Variants in ARHGAP26 observed in about 807,000 individuals in gnomAD.
ARHGAP26 encodes the protein rho GTPase-activating protein 26.
ARHGAP26 carries 38 observed loss-of-function variants against 104.8 expected under a neutral mutation model. The ratio of observed to expected loss-of-function variants is 0.36; its 90% CI spans 0.28 to 0.48. ARHGAP26 has a LOEUF of 0.48. Ranked by LOEUF, ARHGAP26 falls within the 20% of genes least tolerant of loss-of-function variation. The pLI is 0.99. For synonymous variants in ARHGAP26, 341 were observed against 340.0 expected (o/e 1.00, Z -0.03); for missense variants, 704 against 947.9 (o/e 0.74, Z 3.38).
At chr5:142,883,864 C>T (rs1467346671) in intron 4 of ARHGAP26, among the ~76,000 whole-genome samples, 1 of 152,196 alleles carries the variant, frequency 6.6e-6, no homozygotes, top group African/African-American at 2.4e-5. Flanking sequence ...CATGGTTCTC[C>T]TACTAGAACA....
intron 11 of ARHGAP26, among the ~76,000 whole-genome samples, chr5:143,012,544 C>T (rs245851): frequency 0.78 from 32,555 of 41,694 alleles, 13,224 homozygotes; most frequent in Non-Finnish European, 0.89. Flanking sequence ...TATTTATATA[C>T]ATACATACAT....
chr5:142,964,089 CAG>C (rs1770856082), intron 11 of ARHGAP26, among the ~76,000 whole-genome samples: 1 of 152,138 alleles, frequency 6.6e-6, no homozygotes, highest in Admixed American at 6.5e-5. Flanking sequence ...TTTTGACTGA[CAG>C]AACTGAAATG....
intron 11 of ARHGAP26, among the ~76,000 whole-genome samples, chr5:142,976,779 T>C (rs1010826142): frequency 6.6e-5 from 10 of 152,224 alleles, no homozygotes; most frequent in Admixed American, 1.3e-4. Flanking sequence ...TCAACTTAAA[T>C]AGTATGTGAA....
intron 6 of ARHGAP26, among the ~76,000 whole-genome samples, chr5:142,900,498 C>T (rs930924959): frequency 1.3e-5 from 2 of 151,458 alleles, no homozygotes; most frequent in African/African-American, 2.4e-5. Context: ...TTTATCTTCA[C>T]AGGGCCCAGA....
At chr5:142,967,315 CG>C (rs1436297994) in intron 11 of ARHGAP26, among the ~76,000 whole-genome samples, 12 of 152,202 alleles carry the variant, frequency 7.9e-5, no homozygotes, top group Non-Finnish European at 1.5e-4. Flanking sequence ...CAGTGTCAAG[CG>C]GTTAGAAGGT....
chr5:143,224,856 A>G lies in ARHGAP26; in HGVS notation c.*2410A>G, dbSNP rs244468. 0.52 allele frequency: 118,626 copies of G among 226,306 alleles called. 32,244 individuals carry two copies. Among genetic ancestry groups the G allele is most frequent in the East Asian group, 0.82 (12,948 of 15,740 alleles). 14.0% of individuals were successfully genotyped at this position (226,306 alleles called of 1,614,324 possible). A position where few individuals can be genotyped will look rare whatever the true frequency, so the allele number is the denominator to read the frequency against. On this transcript the variant is annotated 3_prime_UTR_variant, in exon 23 of 23. Coordinates refer to ENST00000645722, the MANE Select transcript of ARHGAP26 (RefSeq NM_001135608.3). The stretch of plus-strand genomic sequence containing the variant: ...AGCTTTACAGGTGGTTTTAAAGTTA[A>G]CAGGGGTTTGTCATGGTGATTCACT...
intron 11 of ARHGAP26, among the ~76,000 whole-genome samples, chr5:142,988,478 GTC>G (rs1360046308): frequency 1.3e-5 from 2 of 151,930 alleles, no homozygotes; most frequent in Non-Finnish European, 2.9e-5. Flanking sequence ...GGTTTTTTGT[GTC>G]TCTGTCTCCT....
At chr5:143,103,140 C>A in intron 17 of ARHGAP26, 1 of 572,346 alleles carries the variant, frequency 1.7e-6, no homozygotes, top group Non-Finnish European at 2.2e-6. Context: ...GCCATCCTTG[C>A]CTGGTATGTC....
At chr5:143,198,462 G>A (rs1351713787) in intron 20 of ARHGAP26, among the ~76,000 whole-genome samples, 1 of 152,206 alleles carries the variant, frequency 6.6e-6, no homozygotes, top group Non-Finnish European at 1.5e-5. Flanking sequence ...CAACAGGAAA[G>A]AATATTAAGG....
intron 1 of ARHGAP26, among the ~76,000 whole-genome samples, chr5:142,858,589 G>A (rs935930577): frequency 7.2e-5 from 11 of 152,138 alleles, no homozygotes; most frequent in African/African-American, 2.7e-4. Context: ...TTATTTGCTT[G>A]CTTATTTATT....
chr5:142,897,483 T>C (rs1456810583), intron 6 of ARHGAP26, among the ~76,000 whole-genome samples: 1 of 152,238 alleles, frequency 6.6e-6, no homozygotes, highest in Admixed American at 6.5e-5. Flanking sequence ...AAAAAGCTAC[T>C]GATGAGATCA....
At chr5:143,051,188 A>G (rs1386553696) in intron 14 of ARHGAP26, among the ~76,000 whole-genome samples, 1 of 152,216 alleles carries the variant, frequency 6.6e-6, no homozygotes, top group Non-Finnish European at 1.5e-5. Context: ...AACTTTCCTA[A>G]TAATTTCCTC....
intron 11 of ARHGAP26, among the ~76,000 whole-genome samples, chr5:142,955,770 T>C (rs712181): frequency 0.47 from 71,216 of 152,070 alleles, 20,397 homozygotes; most frequent in East Asian, 0.91. Flanking sequence ...AGACAAATGA[T>C]CGGTTCCAGA....
intron 1 of ARHGAP26, among the ~76,000 whole-genome samples, chr5:142,869,359 C>T (rs1037556857): frequency 1.3e-5 from 2 of 151,310 alleles, no homozygotes; most frequent in African/African-American, 4.9e-5. Context: ...AGGTGCACAC[C>T]AGTACACCCG....
chr5:143,111,948 A>C (rs912503835), intron 17 of ARHGAP26, among the ~76,000 whole-genome samples: 1 of 152,042 alleles, frequency 6.6e-6, no homozygotes, highest in African/African-American at 2.4e-5. Context: ...TACCTAGTGC[A>C]GCTGAGCCTT....
At chr5:142,987,131 A>G (rs867246513) in intron 11 of ARHGAP26, among the ~76,000 whole-genome samples, 10 of 152,182 alleles carry the variant, frequency 6.6e-5, no homozygotes, top group African/African-American at 2.4e-5. Context: ...CCATGAGCAT[A>G]GAATGTTCTT....
Position 143,206,256 on chromosome 5 carries a change from G to A in ARHGAP26, c.1989-942G>A, listed in dbSNP as rs79782519. On this transcript the variant is annotated intron_variant, in intron 20 of 22. Transcript: ENST00000645722. ...CTGAGATTCAGGAGTGGCAAGTGGT[G>A]GTGTGGCTGAACTGGTTTCTCTCTG... Among the ~76,000 whole-genome samples the A allele has an allele frequency of 2.2e-3, 337 of 152,316 alleles. 3 individuals are homozygous for A. The East Asian group carries it at 0.024, about 11-fold the overall frequency.
At chr5:143,061,840 G>A (rs1786755214) in intron 17 of ARHGAP26, among the ~76,000 whole-genome samples, 1 of 152,300 alleles carries the variant, frequency 6.6e-6, no homozygotes, top group African/African-American at 2.4e-5. Context: ...GTTAGTGCTT[G>A]TCCAGAAGCA....
At chr5:142,772,961 A>G (rs1755541134) in intron 1 of ARHGAP26, 1 of 523,020 alleles carries the variant, frequency 1.9e-6, no homozygotes, top group Non-Finnish European at 3.9e-6. Flanking sequence ...AAGCTGTCTA[A>G]TGGAATGGAT....
Sources: allele counts gnomAD v4.1 joint callset (sites outside exome capture counted in the v4.1 genomes callset), GRCh38; gene constraint gnomAD v4.1.1; transcripts MANE v1.5; gene names NCBI Gene and HGNC (gene_info 2026-07-23, HGNC 2026-07-21).